The following NPAS3 variants were observed in gnomAD, a reference collection of about 807,000 sequenced individuals.
NPAS3 encodes the protein neuronal PAS domain protein 3.
NPAS3 carries 14 observed loss-of-function variants against 73.1 expected under a neutral mutation model. The observed-to-expected ratio is 0.19, with a 90% CI of 0.13 to 0.30. The LOEUF is 0.30. Ranked by LOEUF, NPAS3 falls within the 10% of genes least tolerant of loss-of-function variation. The probability of loss-of-function intolerance (pLI) is 1.00; values close to 1 mark genes in which losing one functional copy is unlikely to be tolerated. For synonymous variants in NPAS3, 620 were observed against 541.5 expected (o/e 1.14, Z -2.01); for missense variants, 1,096 against 1,250.0 (o/e 0.88, Z 1.86).
intron 5 of NPAS3, among the ~76,000 whole-genome samples, chr14:33,570,199 T>A (rs2056145553): frequency 6.6e-6 from 1 of 152,104 alleles, no homozygotes; most frequent in African/African-American, 2.4e-5. Flanking sequence ...GGATGGAAAA[T>A]GAGATTCTTT....
At chr14:33,684,880 T>C (rs762503085) in intron 6 of NPAS3, among the ~76,000 whole-genome samples, 4 of 152,154 alleles carry the variant, frequency 2.6e-5, no homozygotes, top group Non-Finnish European at 4.4e-5. Flanking sequence ...AGCAGAGCAA[T>C]GGTGTTCATC....
At chr14:33,456,336 A>G (rs1361804463) in intron 4 of NPAS3, among the ~76,000 whole-genome samples, 1 of 152,140 alleles carries the variant, frequency 6.6e-6, no homozygotes, top group Non-Finnish European at 1.5e-5. Flanking sequence ...CATGGCGGCT[A>G]TTTTAAATCC....
intron 3 of NPAS3, among the ~76,000 whole-genome samples, chr14:33,366,392 C>T (rs1349330726): frequency 1.3e-5 from 2 of 151,906 alleles, no homozygotes; most frequent in African/African-American, 2.4e-5. Context: ...GCATTAAACC[C>T]ACTTTTGTTA....
At chr14:33,079,856 C>T (rs78042794) in intron 2 of NPAS3, among the ~76,000 whole-genome samples, 8,836 of 151,830 alleles carry the variant, frequency 0.058, 659 homozygotes, top group East Asian at 0.35. Flanking sequence ...CAGTGATCTG[C>T]CCCCCTCAGC....
chr14:33,222,586 A>T (rs1231356292), intron 3 of NPAS3, among the ~76,000 whole-genome samples: 1 of 152,120 alleles, frequency 6.6e-6, no homozygotes, highest in Non-Finnish European at 1.5e-5. Context: ...TTAAATAGCA[A>T]TTTGTTTCTT....
At chr14:33,555,866 T>C (rs2055329469) in intron 4 of NPAS3, among the ~76,000 whole-genome samples, 1 of 149,124 alleles carries the variant, frequency 6.7e-6, no homozygotes, top group African/African-American at 2.5e-5. Flanking sequence ...GTGAAAAATA[T>C]GGTAAATTAA....
At chr14:33,728,031 T>C (rs759277383) in intron 6 of NPAS3, among the ~76,000 whole-genome samples, 16 of 152,158 alleles carry the variant, frequency 1.1e-4, no homozygotes, top group African/African-American at 2.2e-4. Flanking sequence ...TAGTTGTGTA[T>C]AGAAACACCC....
At chr14:32,998,739 G>A (rs1293003094) in intron 1 of NPAS3, among the ~76,000 whole-genome samples, 1 of 152,138 alleles carries the variant, frequency 6.6e-6, no homozygotes, top group Non-Finnish European at 1.5e-5. Flanking sequence ...TGTTATTGTT[G>A]TTGTTTAATC....
chr14:33,266,818 A>C (rs1034013227), intron 3 of NPAS3, among the ~76,000 whole-genome samples: 2 of 152,196 alleles, frequency 1.3e-5, no homozygotes, highest in Non-Finnish European at 2.9e-5. Flanking sequence ...TAGCCACTAC[A>C]GATATTTGTA....
At chr14:33,026,069 G>T (rs947379265) in intron 1 of NPAS3, among the ~76,000 whole-genome samples, 11 of 152,146 alleles carry the variant, frequency 7.2e-5, no homozygotes, top group Non-Finnish European at 1.3e-4. Flanking sequence ...CTCTTCTCTT[G>T]TCTACTACTA....
intron 3 of NPAS3, among the ~76,000 whole-genome samples, chr14:33,302,331 T>A (rs1459274713): frequency 6.6e-6 from 1 of 152,066 alleles, no homozygotes; most frequent in Non-Finnish European, 1.5e-5. Context: ...TAGGTTAAGA[T>A]CTGAAAGAGT....
At chr14:33,264,986 T>C (rs766218591) in intron 3 of NPAS3, among the ~76,000 whole-genome samples, 9 of 152,366 alleles carry the variant, frequency 5.9e-5, no homozygotes, top group Admixed American at 1.3e-4. Context: ...TGAGGTAATA[T>C]GGAAAAGAGC....
intron 4 of NPAS3, among the ~76,000 whole-genome samples, chr14:33,439,090 A>G (rs1220278296): frequency 7.4e-6 from 1 of 135,382 alleles, no homozygotes; most frequent in African/African-American, 3.1e-5. Flanking sequence ...GGAAAATAGT[A>G]CCTGTCTTTA....
intron 2 of NPAS3, among the ~76,000 whole-genome samples, chr14:33,195,326 C>T (rs1361272955): frequency 2.0e-5 from 3 of 151,972 alleles, no homozygotes; most frequent in South Asian, 4.2e-4. Context: ...GCTGGAGTGC[C>T]GTGGCGCAGT....
At chr14:33,721,903 A>C (rs2140550129) in intron 6 of NPAS3, among the ~76,000 whole-genome samples, 1 of 152,278 alleles carries the variant, frequency 6.6e-6, no homozygotes, top group East Asian at 1.9e-4. Flanking sequence ...TAAAATGGAG[A>C]AATGGGCAAA....
At chr14:33,265,854 A>G (rs2139985552) in intron 3 of NPAS3, among the ~76,000 whole-genome samples, 1 of 152,198 alleles carries the variant, frequency 6.6e-6, no homozygotes, top group Non-Finnish European at 1.5e-5. Flanking sequence ...TACCTTGGAA[A>G]TCACTGTCCA....
intron 5 of NPAS3, among the ~76,000 whole-genome samples, chr14:33,672,295 T>C (rs2059631610): frequency 6.6e-6 from 1 of 152,212 alleles, no homozygotes; most frequent in Non-Finnish European, 1.5e-5. Context: ...TTTTAAGGAA[T>C]AAATAATGTT....
chr14:33,776,899 A>G (rs1466571059), intron 8 of NPAS3, among the ~76,000 whole-genome samples: 1 of 152,196 alleles, frequency 6.6e-6, no homozygotes, highest in African/African-American at 2.4e-5. Context: ...CACCACAGTA[A>G]CAGGCTCTGG....
intron 5 of NPAS3, among the ~76,000 whole-genome samples, chr14:33,670,747 G>A (rs976443008): frequency 1.3e-5 from 2 of 151,988 alleles, no homozygotes; most frequent in South Asian, 2.1e-4. Context: ...GCCTCACCTG[G>A]GAATTTAGTT....
Sources: gnomAD v4.1 joint callset for allele counts (sites outside exome capture counted in the v4.1 genomes callset) on GRCh38, gnomAD v4.1.1 for gene constraint, MANE v1.5 for transcripts, NCBI Gene and HGNC (gene_info 2026-07-23, HGNC 2026-07-21) for gene names.